Variants in TMEM38B observed in about 807,000 individuals in gnomAD.
The protein encoded by TMEM38B is transmembrane protein 38B.
In TMEM38B, 24 loss-of-function variants were observed where a neutral mutation model predicts 28.7. That is an observed-to-expected ratio of 0.84 (90% confidence interval 0.61 to 1.18). The LOEUF (loss-of-function observed/expected upper bound fraction) is 1.18. TMEM38B is among the 50% of genes most tolerant of loss of function. TMEM38B has a pLI of 0.00. For missense variants in TMEM38B, 380 were observed against 350.9 expected, an observed-to-expected ratio of 1.08 and a Z score of -0.66; for synonymous variants, 131 against 127.7, an observed-to-expected ratio of 1.03 and a Z score of -0.17.
At chr9:105,741,638 GATCA>G (rs1293266159) in intron 4 of TMEM38B, among the ~76,000 whole-genome samples, 1 of 152,308 alleles carries the variant, frequency 6.6e-6, no homozygotes, top group East Asian at 1.9e-4. Flanking sequence ...CATAACTTGT[GATCA>G]GTGAATGTGG....
intron 4 of TMEM38B, among the ~76,000 whole-genome samples, chr9:105,726,923 G>T (rs963842479): frequency 9.2e-5 from 14 of 151,786 alleles, no homozygotes; most frequent in African/African-American, 3.4e-4. Context: ...TAATTTACTT[G>T]TTGGCTTATT....
At chr9:105,739,737 C>T (rs904503671) in intron 4 of TMEM38B, among the ~76,000 whole-genome samples, 3 of 152,038 alleles carry the variant, frequency 2.0e-5, no homozygotes, top group Admixed American at 6.5e-5. Context: ...GTTGGCCAGG[C>T]TGGTCTCGAA....
At position 105,714,128 on chromosome 9, in the gene TMEM38B, C is replaced by T. The variant is rs138019092; in HGVS notation, c.270-7409C>T. 3.2e-3 allele frequency among the ~76,000 whole-genome samples: 467 copies of T among 147,220 alleles called. 5 individuals carry two copies. The highest frequency in any genetic ancestry group is 0.011 in the African/African-American group (440 of 38,988). ...CTTGTTGGGATGACCTGCCTACAAA[C>T]CGCAGAGAGGAGCCTCCTCCCTGCT... is the stretch of plus-strand genomic sequence containing the variant. On this transcript the variant is annotated intron_variant, in intron 2 of 5. Transcript: ENST00000374692.
At chr9:105,694,917 A>G (rs1835229644) in intron 1 of TMEM38B, 145 bp downstream of exon 1, 1 of 692,964 alleles carries the variant, frequency 1.4e-6, no homozygotes, top group Non-Finnish European at 2.4e-6. Context: ...AGGGGCGCCA[A>G]GGGCCGGTTG....
Position 105,760,837 on chromosome 9 carries a change from T to A in TMEM38B, c.660+12647T>A, listed in dbSNP as rs539587532. On this transcript the variant is annotated intron_variant, in intron 5 of 5. Coordinates refer to ENST00000374692, the MANE Select transcript of TMEM38B (RefSeq NM_018112.3). ...GAATGTAGCTAATCAAAAGGAAGTC[T>A]GTTATTAATAAGGTATTTCTAAATA... 3.1e-4 allele frequency: 203 copies of A among 652,044 alleles called. 1 individual carries two copies. The African/African-American group carries it at 3.2e-3, about 10-fold the overall frequency. The allele number at this position is 652,044 out of a possible 1,614,324, so 40.4% of individuals were successfully genotyped here.
At chr9:105,694,838 G>T in intron 1 of TMEM38B, 66 bp downstream of exon 1, 3 of 705,982 alleles carry the variant, frequency 4.2e-6, no homozygotes, top group Non-Finnish European at 4.6e-6. Flanking sequence ...CGTCTAAGTC[G>T]GGTGGGTCGG....
chr9:105,694,619 C>T lies in TMEM38B; in HGVS notation c.-42C>T, dbSNP rs768510066. 1.9e-6 allele frequency: 3 copies of T among 1,557,240 alleles called. No homozygotes were observed. Among genetic ancestry groups the T allele is most frequent in the East Asian group, 2.3e-5 (1 of 44,414 alleles). On this transcript the variant is annotated 5_prime_UTR_variant, in exon 1 of 6. Coordinates refer to ENST00000374692, the MANE Select transcript of TMEM38B (RefSeq NM_018112.3). ...TCCTCACCGCGCGAGCGCGGGGAAC[C>T]AGTAGCCGCGGCTGCTTCGGTTGCC...
chr9:105,741,106 G>A (rs1837187101), intron 4 of TMEM38B, among the ~76,000 whole-genome samples: 1 of 152,222 alleles, frequency 6.6e-6, no homozygotes, highest in South Asian at 2.1e-4. Flanking sequence ...CCACACATCT[G>A]AGAGATTAGA....
intron 4 of TMEM38B, among the ~76,000 whole-genome samples, chr9:105,725,087 C>T (rs550434646): frequency 4.6e-5 from 7 of 152,118 alleles, no homozygotes; most frequent in Middle Eastern, 3.4e-3. Flanking sequence ...CTACCTAGAA[C>T]GATTTTTCTT....
At chr9:105,743,861 A>G (rs1044386253) in intron 4 of TMEM38B, among the ~76,000 whole-genome samples, 3 of 152,184 alleles carry the variant, frequency 2.0e-5, no homozygotes, top group Non-Finnish European at 4.4e-5. Context: ...CATGCTATAC[A>G]ATGTGGAACT....
intron 4 of TMEM38B, among the ~76,000 whole-genome samples, chr9:105,730,162 C>G (rs1359442852): frequency 6.6e-6 from 1 of 152,098 alleles, no homozygotes; most frequent in Non-Finnish European, 1.5e-5. Flanking sequence ...TGCCGGTTTT[C>G]AAAGGGAATG....
chr9:105,743,669 A>G lies in TMEM38B; in HGVS notation c.543-4404A>G, dbSNP rs551926489. 7.2e-5 allele frequency among the ~76,000 whole-genome samples: 11 copies of G among 152,270 alleles called. No individual in the cohort carries two copies. In the South Asian group the frequency reaches 1.5e-3, roughly 20 times the overall value. ...AAATGATGGGCTGCAGATGGCTTTT[A>G]TTGTTTTATGAGAACCAGTTGTGTA... On this transcript the variant is annotated intron_variant, in intron 4 of 5. Transcript: ENST00000374692.
chr9:105,747,434 A>G (rs1213735360), intron 4 of TMEM38B, among the ~76,000 whole-genome samples: 1 of 152,006 alleles, frequency 6.6e-6, no homozygotes, highest in African/African-American at 2.4e-5. Context: ...CCCCTTTATC[A>G]TTTTTTATTG....
chr9:105,699,550 G>A (rs536113189), intron 1 of TMEM38B, among the ~76,000 whole-genome samples: 1 of 152,274 alleles, frequency 6.6e-6, no homozygotes, highest in African/African-American at 2.4e-5. Context: ...GAAGCAAAAT[G>A]ATAAAGGGGA....
chr9:105,772,128 A>G (rs1047079075), intron 5 of TMEM38B, among the ~76,000 whole-genome samples: 1 of 152,156 alleles, frequency 6.6e-6, no homozygotes, highest in Non-Finnish European at 1.5e-5. Flanking sequence ...TTGAATTCCA[A>G]CTTATCTTCC....
intron 4 of TMEM38B, among the ~76,000 whole-genome samples, chr9:105,743,489 G>C (rs1407751366): frequency 1.3e-5 from 2 of 152,160 alleles, no homozygotes; most frequent in African/African-American, 4.8e-5. Flanking sequence ...TAGAGAGTTA[G>C]ACAATAATTT....
At chr9:105,740,832 A>G (rs1291929284) in intron 4 of TMEM38B, among the ~76,000 whole-genome samples, 1 of 152,206 alleles carries the variant, frequency 6.6e-6, no homozygotes, top group Non-Finnish European at 1.5e-5. Flanking sequence ...TTTAGTGACA[A>G]TTTCTGTTAA....
intron 4 of TMEM38B, among the ~76,000 whole-genome samples, chr9:105,747,054 C>G (rs1043099996): frequency 1.3e-5 from 2 of 152,200 alleles, no homozygotes; most frequent in African/African-American, 2.4e-5. Flanking sequence ...GGTTGTGTCT[C>G]TGCCAGGCTT....
chr9:105,728,491 A>G lies in TMEM38B; in HGVS notation c.542+5870A>G, dbSNP rs146415889. On this transcript the variant is annotated intron_variant, in intron 4 of 5. Transcript: ENST00000374692. ...CCACATTTTATCCAGGTTATTATTGATGGACATTTTGGTTGGTTCCAAGTC... is the reference window on the plus strand; with the variant it reads ...CCACATTTTATCCAGGTTATTATTGGTGGACATTTTGGTTGGTTCCAAGTC... 3.4e-3 allele frequency among the ~76,000 whole-genome samples: 513 copies of G among 152,240 alleles called. 6 individuals carry two copies. In the Middle Eastern group the frequency reaches 0.058, roughly 17 times the overall value.
Sources: allele counts gnomAD v4.1 joint callset (sites outside exome capture counted in the v4.1 genomes callset), GRCh38; gene constraint gnomAD v4.1.1; transcripts MANE v1.5; gene names NCBI Gene and HGNC (gene_info 2026-07-23, HGNC 2026-07-21).